Variants in JAM2 observed in about 807,000 individuals in gnomAD.
The protein encoded by JAM2 is junctional adhesion molecule B.
Under a neutral mutation model 42.0 loss-of-function variants are expected in JAM2, and 17 were observed. That is an observed-to-expected ratio of 0.40 (90% CI 0.28 to 0.61). JAM2 has a LOEUF of 0.61. Among genes scored for constraint, JAM2 ranks in the 20% least tolerant of loss-of-function variants. The pLI is 0.37. For synonymous variants in JAM2, 118 were observed against 128.6 expected (o/e 0.92, Z 0.56); for missense variants, 319 against 358.3 (o/e 0.89, Z 0.89).
chr21:25,697,223 G>A (rs1054581143), intron 4 of JAM2, among the ~76,000 whole-genome samples: 1 of 151,940 alleles, frequency 6.6e-6, no homozygotes, highest in Non-Finnish European at 1.5e-5. Context: ...AGGTTCATGT[G>A]ATTAGGTCAA....
chr21:25,697,139 C>G (rs1186065291), intron 4 of JAM2, among the ~76,000 whole-genome samples: 1 of 152,020 alleles, frequency 6.6e-6, no homozygotes, highest in Non-Finnish European at 1.5e-5. Context: ...GCCACTACAC[C>G]TAGCCTTCTC....
intron 4 of JAM2, among the ~76,000 whole-genome samples, chr21:25,695,252 C>T (rs1810812854): frequency 6.6e-6 from 1 of 152,168 alleles, no homozygotes. Flanking sequence ...ATCCATTTAA[C>T]CCTGAGTGGA....
At chr21:25,640,843 T>C (rs528949269) in intron 1 of JAM2, among the ~76,000 whole-genome samples, 241 of 152,106 alleles carry the variant, frequency 1.6e-3, no homozygotes, top group African/African-American at 5.4e-3. Flanking sequence ...CTGTCTCTCT[T>C]TCTTTCTTTT....
At chr21:25,654,590 G>C (rs1253387033) in intron 1 of JAM2, among the ~76,000 whole-genome samples, 1 of 148,902 alleles carries the variant, frequency 6.7e-6, no homozygotes, top group Non-Finnish European at 1.5e-5. Flanking sequence ...AGAGGTTGCA[G>C]TGAGCCAAGA....
chr21:25,663,538 G>T (rs966082080), intron 1 of JAM2, among the ~76,000 whole-genome samples: 2 of 152,148 alleles, frequency 1.3e-5, no homozygotes, highest in African/African-American at 4.8e-5. Flanking sequence ...CTGCCTTCAT[G>T]AATGGATTAA....
intron 1 of JAM2, among the ~76,000 whole-genome samples, chr21:25,664,309 C>A (rs758171890): frequency 6.6e-6 from 1 of 152,016 alleles, no homozygotes; most frequent in African/African-American, 2.4e-5. Context: ...GATCTCGGCT[C>A]ACCACAACCT....
intron 4 of JAM2, among the ~76,000 whole-genome samples, chr21:25,695,622 C>G (rs79711664): frequency 0.022 from 3,225 of 149,980 alleles, 46 homozygotes; most frequent in Non-Finnish European, 0.033. Context: ...ACCTCCCTCC[C>G]GGATGGGGCG....
chr21:25,651,061 CAAAAAA>C (rs35308745), intron 1 of JAM2, among the ~76,000 whole-genome samples: 860 of 71,080 alleles, frequency 0.012, 12 homozygotes, highest in African/African-American at 0.042. Context: ...CTCCCCCCGC[CAAAAAA>C]AAAAAAAAAA....
Position 25,714,879 on chromosome 21 carries a change from T to A in JAM2, c.*207T>A. 2.3e-6 allele frequency: 1 copy of A among 435,038 alleles called. No individual in the cohort carries two copies. Among genetic ancestry groups the A allele is most frequent in the South Asian group, 6.6e-5 (1 of 15,072 alleles). 26.9% of individuals were successfully genotyped at this position (435,038 alleles called of 1,614,324 possible). ...GACACCTAAAATATAATCTGGCTTC[T>A]TGTGTCTGGACTAAGTTAAAAGAAT... On this transcript the variant is annotated 3_prime_UTR_variant, in exon 10 of 10. Transcript: ENST00000480456.
chr21:25,647,494 T>C (rs777693568), intron 1 of JAM2, among the ~76,000 whole-genome samples: 9 of 152,220 alleles, frequency 5.9e-5, no homozygotes, highest in Non-Finnish European at 1.0e-4. Context: ...TTATTTATGT[T>C]AGTAATTAAG....
At chr21:25,677,699 T>A (rs1049994652) in intron 1 of JAM2, among the ~76,000 whole-genome samples, 2 of 152,196 alleles carry the variant, frequency 1.3e-5, no homozygotes, top group South Asian at 2.1e-4. Flanking sequence ...ACAAAGATTA[T>A]CTTTCCCTAT....
rs757613477 is a variant in JAM2 at position 25,676,323 on chromosome 21, C to A, written c.68-7560C>A. Among the ~76,000 whole-genome samples, 873 of 112,554 alleles carry A rather than the reference C, an allele frequency of 7.8e-3. 5 individuals carry two copies. Among genetic ancestry groups the A allele is most frequent in the Non-Finnish European group, 0.013 (635 of 50,390 alleles). 73.8% of individuals were successfully genotyped at this position (112,554 alleles called of 152,430 possible). On this transcript the variant is annotated intron_variant, in intron 1 of 9. Transcript: ENST00000480456. ...AAAAAAGAAAAAGAAAAAAAAAAAA[C>A]AACTTATGTAACACTTCTCCAGTTT...
chr21:25,661,843 G>A lies in JAM2; in HGVS notation c.67+21955G>A, dbSNP rs573239502. Among the ~76,000 whole-genome samples the A allele has an allele frequency of 5.9e-5, 9 of 152,096 alleles. No homozygotes were observed. In the South Asian group the frequency reaches 1.7e-3, roughly 28 times the overall value. The stretch of plus-strand genomic sequence containing the variant: ...ACAAAATTATATACTCTATTTTTAG[G>A]GAAACAGTTTTTCCCTTTCCAAGAT... On this transcript the variant is annotated intron_variant, in intron 1 of 9. Transcript: ENST00000480456.
At chr21:25,665,368 C>G (rs1204911750) in intron 1 of JAM2, among the ~76,000 whole-genome samples, 1 of 152,164 alleles carries the variant, frequency 6.6e-6, no homozygotes, top group Non-Finnish European at 1.5e-5. Context: ...ATTGCCAGAC[C>G]TCCAAAGGAA....
intron 3 of JAM2, 80 bp downstream of exon 3, chr21:25,690,053 C>T (rs2033843833): frequency 8.4e-6 from 7 of 833,458 alleles, no homozygotes; most frequent in South Asian, 4.3e-5. Flanking sequence ...CAAATGAGAT[C>T]GGACATGACT....
chr21:25,649,476 T>C (rs914128705), intron 1 of JAM2, among the ~76,000 whole-genome samples: 2 of 152,086 alleles, frequency 1.3e-5, no homozygotes, highest in Admixed American at 6.5e-5. Flanking sequence ...AGCATGGAGG[T>C]AACCACTTCC....
chr21:25,706,424 T>A (rs1656936217), intron 7 of JAM2, among the ~76,000 whole-genome samples: 1 of 152,174 alleles, frequency 6.6e-6, no homozygotes, highest in African/African-American at 2.4e-5. Context: ...TCAAGTGATC[T>A]GCCTGCCTTG....
At chr21:25,671,943 G>T (rs2033371956) in intron 1 of JAM2, among the ~76,000 whole-genome samples, 1 of 152,200 alleles carries the variant, frequency 6.6e-6, no homozygotes, top group Non-Finnish European at 1.5e-5. Flanking sequence ...TAAACTGTTA[G>T]TGATTGTGGA....
chr21:25,673,627 G>A (rs1274924720), intron 1 of JAM2, among the ~76,000 whole-genome samples: 1 of 152,168 alleles, frequency 6.6e-6, no homozygotes, highest in Non-Finnish European at 1.5e-5. Flanking sequence ...GCGGTCTTAT[G>A]TCTGGAGCTA....
Sources: allele counts gnomAD v4.1 joint callset (sites outside exome capture counted in the v4.1 genomes callset), GRCh38; gene constraint gnomAD v4.1.1; transcripts MANE v1.5; gene names NCBI Gene and HGNC (gene_info 2026-07-23, HGNC 2026-07-21).